Variants in NTM observed in about 807,000 individuals in gnomAD.
NTM encodes IgLON family member 2.
NTM carries 13 observed loss-of-function variants against 42.1 expected under a neutral mutation model. The ratio of observed to expected loss-of-function variants is 0.31; its 90% CI spans 0.20 to 0.49. The LOEUF is 0.49. Among genes scored for constraint, NTM ranks in the 20% least tolerant of loss-of-function variants. NTM has a pLI of 0.99. For missense variants in NTM, 373 were observed against 452.8 expected (o/e 0.82, Z 1.60); for synonymous variants, 187 against 179.2 (o/e 1.04, Z -0.35).
chr11:131,513,895 G>T (rs398772), intron 1 of NTM, among the ~76,000 whole-genome samples: 22,771 of 152,014 alleles, frequency 0.15, 1,886 homozygotes, highest in Middle Eastern at 0.22. Context: ...CAGGGTCAGA[G>T]CCCCAGGGGA....
chr11:132,309,208 A>G (rs2095201175), intron 5 of NTM, among the ~76,000 whole-genome samples: 1 of 152,196 alleles, frequency 6.6e-6, no homozygotes, highest in Non-Finnish European at 1.5e-5. Context: ...TTTTCATAAT[A>G]CCCTTTAATA....
At chr11:132,219,981 T>G (rs936689460) in intron 4 of NTM, among the ~76,000 whole-genome samples, 1 of 152,250 alleles carries the variant, frequency 6.6e-6, no homozygotes, top group Non-Finnish European at 1.5e-5. Context: ...TCCACCATTT[T>G]CTAATTAACA....
rs2090305896 is a variant in NTM at position 131,789,557 on chromosome 11, AAGAAGAAGAAGAAGAAGAAGAAGAAGAAG to A, written c.83-122005_83-121977del. On this transcript the variant is annotated intron_variant, in intron 1 of 8. Coordinates refer to ENST00000683400, the MANE Select transcript of NTM (RefSeq NM_001352005.2). Reference sequence around the variant, plus strand: ...AGAAGAAGAAGAAGAAAAGAAGAAGAAGAAGAAGAAGAAGAAGAAGAAGAAGAAGAAGAAGAAGAAGAAGAAGAAGAAGA... The same window carrying A: ...AGAAGAAGAAGAAGAAAAGAAGAAGAAAGAAGAAGAAGAAGAAGAAGAAGA... Among the ~76,000 whole-genome samples the A allele has an allele frequency of 1.5e-4, 3 of 19,534 alleles. 1 individual carries two copies. The highest frequency in any genetic ancestry group is 1.2e-3 in the Admixed American group (2 of 1,636). The allele number at this position is 19,534 out of a possible 152,430, so 12.8% of individuals were successfully genotyped here. A position where few individuals can be genotyped will look rare whatever the true frequency, so the allele number is the denominator to read the frequency against.
chr11:132,313,649 C>G (rs2095342704), intron 6 of NTM, among the ~76,000 whole-genome samples: 1 of 152,198 alleles, frequency 6.6e-6, no homozygotes, highest in African/African-American at 2.4e-5. Flanking sequence ...ATAGGAATTG[C>G]TGTTAACAAC....
intron 1 of NTM, among the ~76,000 whole-genome samples, chr11:131,767,474 AC>A (rs1565521790): frequency 6.6e-6 from 1 of 151,982 alleles, no homozygotes; most frequent in East Asian, 1.9e-4. Flanking sequence ...CCCTAACCCA[AC>A]CCCCAGTGGG....
At chr11:132,285,551 T>C (rs2094197252) in intron 4 of NTM, among the ~76,000 whole-genome samples, 1 of 152,266 alleles carries the variant, frequency 6.6e-6, no homozygotes, top group East Asian at 1.9e-4. Flanking sequence ...AGCACCCAGA[T>C]TGGGGCATCG....
intron 2 of NTM, among the ~76,000 whole-genome samples, chr11:131,916,733 C>A (rs982770632): frequency 6.6e-6 from 1 of 152,228 alleles, no homozygotes; most frequent in Non-Finnish European, 1.5e-5. Flanking sequence ...CTCCTCCAGG[C>A]TTGCCTCCTA....
At chr11:131,648,397 G>C (rs1460141691) in intron 1 of NTM, among the ~76,000 whole-genome samples, 1 of 152,086 alleles carries the variant, frequency 6.6e-6, no homozygotes, top group Non-Finnish European at 1.5e-5. Context: ...TGGTAGTTTT[G>C]TTTTCAGCTC....
intron 4 of NTM, among the ~76,000 whole-genome samples, chr11:132,233,141 G>T (rs996180896): frequency 6.6e-6 from 1 of 152,204 alleles, no homozygotes; most frequent in African/African-American, 2.4e-5. Context: ...GGCCAGACAG[G>T]CACGGGGACT....
chr11:131,760,619 T>C (rs1447442016), intron 1 of NTM, among the ~76,000 whole-genome samples: 2 of 152,072 alleles, frequency 1.3e-5, no homozygotes, highest in African/African-American at 2.4e-5. Flanking sequence ...CGCACTGACG[T>C]TGGCAGCGGC....
At chr11:131,558,904 C>T (rs567036835) in intron 1 of NTM, among the ~76,000 whole-genome samples, 85 of 151,998 alleles carry the variant, frequency 5.6e-4, no homozygotes, top group African/African-American at 1.4e-3. Flanking sequence ...GTGTGACTCA[C>T]GCTGATCTCA....
chr11:131,880,810 T>G (rs2049348143), intron 1 of NTM, among the ~76,000 whole-genome samples: 1 of 152,132 alleles, frequency 6.6e-6, no homozygotes, highest in Admixed American at 6.5e-5. Context: ...TCTTTTTTTT[T>G]TTCTTTTGCC....
intron 1 of NTM, among the ~76,000 whole-genome samples, chr11:131,721,489 G>A (rs1161448274): frequency 6.6e-6 from 1 of 152,026 alleles, no homozygotes; most frequent in Non-Finnish European, 1.5e-5. Context: ...CACAGTGGCT[G>A]ACATCCTAAG....
intron 2 of NTM, among the ~76,000 whole-genome samples, chr11:132,073,048 C>A (rs1319687408): frequency 6.6e-6 from 1 of 152,168 alleles, no homozygotes. Flanking sequence ...CCTGCAGCCA[C>A]GGAGTCCCTC....
chr11:132,108,247 C>T (rs1020145309), intron 2 of NTM, among the ~76,000 whole-genome samples: 6 of 152,142 alleles, frequency 3.9e-5, no homozygotes, highest in Admixed American at 1.3e-4. Context: ...TAGTTTAATC[C>T]GCTGTCATCA....
At chr11:131,792,912 C>T (rs2091128108) in intron 1 of NTM, among the ~76,000 whole-genome samples, 2 of 152,168 alleles carry the variant, frequency 1.3e-5, no homozygotes, top group South Asian at 4.1e-4. Flanking sequence ...AGTTAAGTTG[C>T]TTAATTTCTC....
intron 1 of NTM, among the ~76,000 whole-genome samples, chr11:131,806,045 G>A (rs1363390775): frequency 6.6e-6 from 1 of 152,142 alleles, no homozygotes; most frequent in African/African-American, 2.4e-5. Context: ...GTTGTTAGCA[G>A]AAATTTTGTT....
chr11:131,552,642 C>A (rs918514302), intron 1 of NTM, among the ~76,000 whole-genome samples: 1 of 151,734 alleles, frequency 6.6e-6, no homozygotes, highest in African/African-American at 2.4e-5. Flanking sequence ...GGTGAAACAC[C>A]GTCTCTACTA....
intron 2 of NTM, among the ~76,000 whole-genome samples, chr11:131,966,816 G>T (rs371589647): frequency 1.3e-5 from 2 of 152,184 alleles, no homozygotes; most frequent in African/African-American, 4.8e-5. Context: ...AAAATGGGAC[G>T]CTGGCCTCTG....
Sources: allele counts gnomAD v4.1 joint callset (sites outside exome capture counted in the v4.1 genomes callset), GRCh38; gene constraint gnomAD v4.1.1; transcripts MANE v1.5; gene names NCBI Gene and HGNC (gene_info 2026-07-23, HGNC 2026-07-21).